SEL1L3: variants seen among roughly 807,000 people sequenced by gnomAD.
The protein encoded by SEL1L3 is protein sel-1 homolog 3.
Under a neutral mutation model 142.8 loss-of-function variants are expected in SEL1L3, and 76 were observed. The ratio of observed to expected loss-of-function variants is 0.53; its 90% confidence interval spans 0.44 to 0.64. SEL1L3 has a LOEUF of 0.64. SEL1L3 is among the 30% of genes least tolerant of loss of function. The probability of loss-of-function intolerance (pLI) is 0.00; values close to 1 mark genes in which losing one functional copy is unlikely to be tolerated. For missense variants in SEL1L3, 1,262 were observed against 1,381.7 expected, an observed-to-expected ratio of 0.91 and a Z score of 1.37; for synonymous variants, 504 against 519.6, an observed-to-expected ratio of 0.97 and a Z score of 0.41.
chr4:25,776,119 A>G (rs1366719059), intron 17 of SEL1L3, among the ~76,000 whole-genome samples, 158 bp downstream of exon 17: 1 of 152,228 alleles, frequency 6.6e-6, no homozygotes, highest in African/African-American at 2.4e-5. Context: ...ATGTTTTCCA[A>G]TCAACAGCCA....
chr4:25,784,887 G>A (rs1286682416), intron 13 of SEL1L3, among the ~76,000 whole-genome samples: 2 of 152,242 alleles, frequency 1.3e-5, no homozygotes, highest in Non-Finnish European at 2.9e-5. Flanking sequence ...ACTACAGAGA[G>A]ACATGGGCTT....
intron 11 of SEL1L3, among the ~76,000 whole-genome samples, chr4:25,796,195 G>T (rs1712731465): frequency 6.6e-6 from 1 of 152,184 alleles, no homozygotes; most frequent in South Asian, 2.1e-4. Flanking sequence ...CCCAGAGAAG[G>T]CTCCACACTG....
rs376435921 is a variant in SEL1L3, at chr4:25,847,433, T to C, written c.594A>G (p.Val198=). The change falls in exon 2 of 24, where the codon GTA becomes GTG. Residue 198 remains valine (V), a synonymous_variant. Coordinates refer to ENST00000399878, the MANE Select transcript of SEL1L3 (RefSeq NM_015187.5). The part of the protein sequence containing the change: ...VKWEENLLHA[V]AKNYTLLQTI... ...TCTGCAGGAGGGTATAATTCTTTGC[T>C]ACAGCATGGAGCAAGTTTTCCTCCC... is the stretch of plus-strand genomic sequence containing the variant. 1.9e-6 allele frequency: 3 copies of C among 1,614,014 alleles called. No homozygotes were observed. Among genetic ancestry groups the C allele is most frequent in the Non-Finnish European group, 2.5e-6 (3 of 1,179,896 alleles).
At chr4:25,810,473 G>A (rs80144000) in intron 9 of SEL1L3, among the ~76,000 whole-genome samples, 1,978 of 152,264 alleles carry the variant, frequency 0.013, 50 homozygotes, top group African/African-American at 0.045. Context: ...TGACAGGTAA[G>A]GTGTGACAAG....
At chr4:25,720,702 A>C in the SEL1L3 span, 2 of 152,238 alleles carry the variant, frequency 1.3e-5, no homozygotes, top group Non-Finnish European at 2.9e-5. Context: ...GTCTGTAAAG[A>C]ATGTTGAGCC....
chr4:25,748,692 C>T, intron 23 of SEL1L3, 128 bp from the exon 24 acceptor site: 1 of 868,224 alleles, frequency 1.2e-6, no homozygotes, highest in East Asian at 2.8e-5. Context: ...CACTAACTAG[C>T]CAGGCAACTC....
chr4:25,847,680 A>T lies in SEL1L3; in HGVS notation c.347T>A (p.Val116Asp), dbSNP rs1397052434. ...GCTACTTCTGAACTCAGATGAAACA[A>T]CTGCTTCCAAATTGACAACACAAGG... Reference protein sequence around the residue: ...SQPCVVNLEAVVSSEFRSSIP... With the variant: ...SQPCVVNLEADVSSEFRSSIP... Residue 116 changes from valine (V) to aspartate (D), a missense_variant, in exon 2 of 24, where the codon GTT becomes GAT. By Grantham distance (152) the Val-to-Asp change is radical. Transcript: ENST00000399878. The T allele has an allele frequency of 6.2e-7, 1 of 1,613,976 alleles. No homozygotes were observed.
intron 20 of SEL1L3, among the ~76,000 whole-genome samples, chr4:25,760,769 A>G (rs1718323146): frequency 6.6e-6 from 1 of 152,238 alleles, no homozygotes. Flanking sequence ...CGCAATCATG[A>G]TAAAAATACC....
chr4:25,793,497 G>A (rs1042864506), intron 11 of SEL1L3, among the ~76,000 whole-genome samples: 2 of 151,974 alleles, frequency 1.3e-5, no homozygotes, highest in Admixed American at 6.6e-5. Context: ...TGTTGCCCAG[G>A]CTGGTCTTGA....
the SEL1L3 span, among the ~76,000 whole-genome samples, chr4:25,723,096 G>A: frequency 6.6e-6 from 1 of 152,076 alleles, no homozygotes; most frequent in African/African-American, 2.4e-5. Flanking sequence ...AATAATGAGT[G>A]ACAGCAAGAC....
the SEL1L3 span, among the ~76,000 whole-genome samples, chr4:25,735,448 G>T: frequency 2.0e-5 from 3 of 151,440 alleles, no homozygotes; most frequent in Non-Finnish European, 4.4e-5. Flanking sequence ...TAAAATCAAT[G>T]TTACTGATTT....
chr4:25,751,438 T>TG (rs1274335920), intron 23 of SEL1L3, among the ~76,000 whole-genome samples: 3 of 151,916 alleles, frequency 2.0e-5, no homozygotes, highest in Admixed American at 6.6e-5. Flanking sequence ...CCAATGGACC[T>TG]AGGGGAACAG....
chr4:25,837,100 A>G (rs982003044), intron 2 of SEL1L3, among the ~76,000 whole-genome samples: 2 of 152,046 alleles, frequency 1.3e-5, no homozygotes, highest in Admixed American at 1.3e-4. Flanking sequence ...TTTGAGCTCA[A>G]TTTGGGCCCA....
In SEL1L3 at chr4:25,847,347, C is replaced by A. The variant is rs933248833; in HGVS notation, c.680G>T (p.Gly227Val). 2.4e-5 allele frequency: 38 copies of A among 1,613,808 alleles called. No homozygotes were observed. Among genetic ancestry groups the A allele is most frequent in the South Asian group, 1.2e-4 (11 of 91,086 alleles). The change falls in exon 2 of 24, where the codon GGT becomes GTT. Residue 227 changes from glycine (G) to valine (V), a missense_variant. Gly to Val is a moderately radical substitution (Grantham distance 109). Coordinates refer to ENST00000399878, the MANE Select transcript of SEL1L3 (RefSeq NM_015187.5). ...DHQVCLEWNM[G>V]YIWNLRANRI... ...GTTTGCCCGAAGGTTCCAAATATAA[C>A]CCATGTTCCACTCAAGGCACACTTG...
chr4:25,854,851 G>A (rs1717132977), intron 1 of SEL1L3, among the ~76,000 whole-genome samples: 2 of 152,212 alleles, frequency 1.3e-5, no homozygotes, highest in South Asian at 4.1e-4. Context: ...TTTAAGGACT[G>A]AGATGGATTG....
At chr4:25,753,650 C>T (rs562583238) in intron 23 of SEL1L3, among the ~76,000 whole-genome samples, 2 of 152,336 alleles carry the variant, frequency 1.3e-5, no homozygotes, top group East Asian at 1.9e-4. Context: ...CCCATCATCC[C>T]ATCAGCTTCA....
At chr4:25,850,623 G>A (rs1231842367) in intron 1 of SEL1L3, among the ~76,000 whole-genome samples, 1 of 152,160 alleles carries the variant, frequency 6.6e-6, no homozygotes, top group Non-Finnish European at 1.5e-5. Flanking sequence ...GCAAAATGAT[G>A]TTTGTGTAGA....
rs1032703967 is a variant in SEL1L3 at position 25,756,098 on chromosome 4, A to C, written c.3259+1436T>G. 6.8e-5 allele frequency: 67 copies of C among 985,428 alleles called. No homozygotes were observed. In the Middle Eastern group the frequency reaches 3.1e-3, roughly 46 times the overall value. The allele number at this position is 985,428 out of a possible 1,614,324, so 61.0% of individuals were successfully genotyped here. A position where few individuals can be genotyped will look rare whatever the true frequency, so the allele number is the denominator to read the frequency against. On this transcript the variant is annotated intron_variant, in intron 23 of 23. Transcript: ENST00000399878. ...CCTTCTCACCGTGGAAGAGACGCTG[A>C]CGTGCACCCCTTTCACTTTCCATTA...
At chr4:25,716,204 G>A in the SEL1L3 span, among the ~76,000 whole-genome samples, 1 of 151,838 alleles carries the variant, frequency 6.6e-6, no homozygotes, top group Non-Finnish European at 1.5e-5. Context: ...AAAATGAACA[G>A]AAAATATGAT....
Sources: gnomAD v4.1 joint callset for allele counts (sites outside exome capture counted in the v4.1 genomes callset) on GRCh38, gnomAD v4.1.1 for gene constraint, MANE v1.5 for transcripts, NCBI Gene and HGNC (gene_info 2026-07-23, HGNC 2026-07-21) for gene names.